Variants in STYXL2 observed in about 807,000 individuals in gnomAD.
STYXL2 encodes serine/threonine/tyrosine-interacting-like protein 2.
In STYXL2, 44 loss-of-function variants were observed where a neutral mutation model predicts 52.4. The observed-to-expected ratio is 0.84, with a 90% CI of 0.66 to 1.08. The LOEUF is 1.08. STYXL2 is among the 50% of genes least tolerant of loss of function. The pLI is 0.00. For synonymous variants in STYXL2, 604 were observed against 586.9 expected (o/e 1.03, Z -0.42); for missense variants, 1,604 against 1,471.7 (o/e 1.09, Z -1.47).
intron 2 of STYXL2, among the ~76,000 whole-genome samples, chr1:167,100,862 C>T (rs930111888): frequency 2.0e-5 from 3 of 152,214 alleles, no homozygotes; most frequent in Non-Finnish European, 4.4e-5. Flanking sequence ...CATGTGGTGG[C>T]ACTTCATAGG....
chr1:167,118,478 G>C (rs1283955575), intron 4 of STYXL2, among the ~76,000 whole-genome samples: 3 of 152,188 alleles, frequency 2.0e-5, no homozygotes, highest in Non-Finnish European at 2.9e-5. Flanking sequence ...CCTAGAACTT[G>C]ATCCTCAGAG....
intron 2 of STYXL2, among the ~76,000 whole-genome samples, chr1:167,107,598 G>T (rs893740829): frequency 6.6e-6 from 1 of 152,174 alleles, no homozygotes; most frequent in Non-Finnish European, 1.5e-5. Context: ...GCTGATTGTT[G>T]TAACTGCCAC....
At chr1:167,110,932 C>A (rs905481212) in intron 2 of STYXL2, among the ~76,000 whole-genome samples, 2 of 152,222 alleles carry the variant, frequency 1.3e-5, no homozygotes, top group African/African-American at 4.8e-5. Context: ...GACGGAAACC[C>A]CTTGCAGGCT....
rs761070628 is a variant in STYXL2, at chr1:167,125,978, G to GA, written c.849dup (p.Glu284ArgfsTer11). ...CAATGAGAAGTTGATGGAGGAGAGA[G>GA]AAGAGGACTATGGCCGGGAGGGGGG... On this transcript the variant is annotated frameshift_variant, in exon 6 of 6. Transcript: ENST00000361200. LOFTEE classifies it low-confidence loss of function (END_TRUNC). The GA allele has an allele frequency of 6.2e-7, 1 of 1,613,394 alleles. No individual in the cohort carries two copies. Among genetic ancestry groups the GA allele is most frequent in the South Asian group, 1.1e-5 (1 of 90,998 alleles).
intron 4 of STYXL2, among the ~76,000 whole-genome samples, 191 bp downstream of exon 4, chr1:167,117,750 A>G (rs1429978978): frequency 6.6e-6 from 1 of 152,190 alleles, no homozygotes; most frequent in East Asian, 1.9e-4. Context: ...GTCTCCAGGC[A>G]AGATGCCGCC....
intron 5 of STYXL2, 68 bp downstream of exon 5, chr1:167,119,534 GA>G: frequency 7.0e-7 from 1 of 1,423,846 alleles, no homozygotes; most frequent in East Asian, 2.3e-5. Context: ...GGAATGTTAT[GA>G]AAACCTGATT....
Position 167,128,596 on chromosome 1 carries a change from G to T in STYXL2, c.3465G>T (p.Arg1155Ser). 1 of 1,611,770 alleles carries T rather than the reference G, an allele frequency of 6.2e-7. No individual in the cohort carries two copies. Among genetic ancestry groups the T allele is most frequent in the Non-Finnish European group, 8.5e-7 (1 of 1,179,574 alleles). The change falls in exon 6 of 6, where the codon AGG becomes AGT. Residue 1155 changes from arginine (R) to serine (S), a missense_variant. Transcript: ENST00000361200. ...QEETRTKLQK[R>S]RED ...AAACCAGGACCAAGCTGCAGAAAAG[G>T]AGGGAGGACTGAGCTGGGGAAAATC...
intron 5 of STYXL2, among the ~76,000 whole-genome samples, chr1:167,121,225 G>A (rs1021126180): frequency 3.3e-5 from 5 of 151,740 alleles, no homozygotes; most frequent in Admixed American, 2.6e-4. Flanking sequence ...ATTGGCCAGA[G>A]TGGTCTCGAA....
intron 3 of STYXL2, 27 bp downstream of exon 3, chr1:167,113,831 G>T: frequency 6.4e-7 from 1 of 1,570,246 alleles, no homozygotes; most frequent in Non-Finnish European, 8.8e-7. Context: ...CTGGGTGGAA[G>T]CAAAGTCCAG....
intron 3 of STYXL2, among the ~76,000 whole-genome samples, chr1:167,116,447 A>G (rs1667723802): frequency 6.6e-6 from 1 of 152,120 alleles, no homozygotes; most frequent in South Asian, 2.1e-4. Context: ...ACATTCTAGT[A>G]GGGGGAAGAA....
intron 4 of STYXL2, among the ~76,000 whole-genome samples, chr1:167,118,732 G>A (rs1667785653): frequency 6.6e-6 from 1 of 152,180 alleles, no homozygotes; most frequent in East Asian, 1.9e-4. Flanking sequence ...TCACAATCTT[G>A]GGAAGTTATA....
chr1:167,108,661 G>A (rs982660027), intron 2 of STYXL2, among the ~76,000 whole-genome samples: 4 of 152,214 alleles, frequency 2.6e-5, no homozygotes, highest in Non-Finnish European at 5.9e-5. Flanking sequence ...ATGGCAGATA[G>A]GAGGGAGGAC....
chr1:167,108,093 G>C (rs563813152), intron 2 of STYXL2, among the ~76,000 whole-genome samples: 1 of 152,268 alleles, frequency 6.6e-6, no homozygotes, highest in South Asian at 2.1e-4. Context: ...AGAGACTACA[G>C]GCCCTTGGAA....
At chr1:167,125,188 C>G (rs557838555) in intron 5 of STYXL2, among the ~76,000 whole-genome samples, 1 of 152,240 alleles carries the variant, frequency 6.6e-6, no homozygotes, top group South Asian at 2.1e-4. Context: ...AGCAGGAGTA[C>G]TGGATGCTTG....
intron 5 of STYXL2, among the ~76,000 whole-genome samples, chr1:167,120,937 T>C (rs1558025014): frequency 6.8e-6 from 1 of 147,892 alleles, no homozygotes; most frequent in Non-Finnish European, 1.5e-5. Context: ...TGTATACACA[T>C]ATACATATAT....
At position 167,119,134 on chromosome 1, in the gene STYXL2, A is replaced by G. The variant is rs139011952; in HGVS notation, c.438-115A>G. The stretch of plus-strand genomic sequence containing the variant: ...ATCCCCAGACAACCAGGGGCAGAAA[A>G]GGAGGCACTTGCCCAGCTGTGGCCC... On this transcript the variant is annotated intron_variant, in intron 4 of 5. Transcript: ENST00000361200. 705 of 879,486 alleles carry G rather than the reference A, an allele frequency of 8.0e-4. 3 individuals carry two copies. In the African/African-American group the frequency reaches 0.01, roughly 13 times the overall value. The allele number at this position is 879,486 out of a possible 1,614,324, so 54.5% of individuals were successfully genotyped here.
Position 167,117,395 on chromosome 1 carries a change from G to A in STYXL2, c.273G>A (p.Leu91=), listed in dbSNP as rs1412779229. 7 of 1,612,922 alleles carry A rather than the reference G, an allele frequency of 4.3e-6. No individual in the cohort carries two copies. In the South Asian group the frequency reaches 6.6e-5, roughly 15 times the overall value. Reference sequence around the variant, plus strand: ...GCATGCTGGAGTCTGCTGAACAGCTGCTGGTGGAGGACCTGTACAACCGCG... The same window carrying A: ...GCATGCTGGAGTCTGCTGAACAGCTACTGGTGGAGGACCTGTACAACCGCG... ...CPGMLESAEQ[L]LVEDLYNRVR... is the part of the protein sequence containing the mutation. The change falls in exon 4 of 6, where the codon CTG becomes CTA. Residue 91 remains leucine, a synonymous_variant. Coordinates refer to ENST00000361200, the MANE Select transcript of STYXL2 (RefSeq NM_001080426.3).
Position 167,126,731 on chromosome 1 carries a change from T to C in STYXL2, c.1600T>C (p.Cys534Arg). Reference protein sequence around the residue: ...GSEASSFYNFCSRNKDKLTAL... With the variant: ...GSEASSFYNFRSRNKDKLTAL... The stretch of plus-strand genomic sequence containing the variant: ...TGAGGCCAGTTCCTTCTACAACTTC[T>C]GCAGCAGGAACAAGGACAAGCTCAC... Residue 534 changes from cysteine (C) to arginine (R), a missense_variant, in exon 6 of 6, where the codon TGC (cysteine) becomes CGC (arginine). Physicochemically the swap from Cys to Arg is radical, Grantham distance 180 (BLOSUM62 -3). Coordinates refer to ENST00000361200, the MANE Select transcript of STYXL2 (RefSeq NM_001080426.3). The C allele has an allele frequency of 6.2e-7, 1 of 1,614,142 alleles. No individual in the cohort carries two copies. The highest frequency in any genetic ancestry group is 8.5e-7 in the Non-Finnish European group (1 of 1,180,032).
rs557656745 is a variant in STYXL2 at position 167,124,679 on chromosome 1, G to T, written c.656-1108G>T. Among the ~76,000 whole-genome samples, 12 of 152,304 alleles carry T rather than the reference G, an allele frequency of 7.9e-5. No individual in the cohort carries two copies. In the South Asian group the frequency reaches 2.3e-3, roughly 29 times the overall value. On this transcript the variant is annotated intron_variant, in intron 5 of 5. Transcript: ENST00000361200. ...CCAAAAGATGTTAGTAGGAATTTGT[G>T]AAATTATCCTTAAGTTTAAAAATGA...
Sources: allele counts gnomAD v4.1 joint callset (sites outside exome capture counted in the v4.1 genomes callset), GRCh38; gene constraint gnomAD v4.1.1; transcripts MANE v1.5; gene names NCBI Gene and HGNC (gene_info 2026-07-23, HGNC 2026-07-21).